PDE4D: variants seen among roughly 807,000 people sequenced by gnomAD.
PDE4D encodes phosphodiesterase 4D, also known as 3',5'-cyclic-AMP phosphodiesterase 4D.
A neutral mutation model predicts 87.4 loss-of-function variants in PDE4D; 24 were observed. The observed-to-expected ratio is 0.27, with a 90% CI of 0.20 to 0.39. The LOEUF (loss-of-function observed/expected upper bound fraction) is 0.39, where lower values mean the gene tolerates loss of function less well. PDE4D is among the 10% of genes least tolerant of loss of function. PDE4D has a pLI of 1.00. For synonymous variants in PDE4D, 384 were observed against 383.2 expected (o/e 1.00, Z -0.02); for missense variants, 714 against 1,041.0 (o/e 0.69, Z 4.32).
In PDE4D at chr5:58,974,914, C is replaced by T. The variant is rs769178419; in HGVS notation, c.2180G>A (p.Arg727Gln). 52 of 1,612,684 alleles carry T rather than the reference C, an allele frequency of 3.2e-5. No homozygotes were observed. Among genetic ancestry groups the T allele is most frequent in the South Asian group, 1.5e-4 (14 of 90,940 alleles). Residue 727 changes from arginine to glutamine, a missense_variant, in exon 15 of 15, where the codon CGG becomes CAG. Arg to Gln is a conservative substitution (Grantham distance 43). This residue lies in a region of PDE4D where 97 missense variants were observed against 176.9 expected (regional missense o/e 0.55). Coordinates refer to ENST00000340635, the MANE Select transcript of PDE4D (RefSeq NM_001104631.2). The stretch of plus-strand genomic sequence containing the variant: ...CTGGAATTTCTCAGTTTGACCCTGC[C>T]GGCCCTCCTCTGGGTCATCAGGTGC... ...SPAPDDPEEG[R>Q]QGQTEKFQFE...
At chr5:59,889,384 G>A (rs544030281) in intron 1 of PDE4D, among the ~76,000 whole-genome samples, 1 of 152,060 alleles carries the variant, frequency 6.6e-6, no homozygotes, top group East Asian at 1.9e-4. Context: ...GGGAGTCTGA[G>A]GCAGGAGGAT....
At chr5:59,822,977 A>G (rs971878099) in intron 1 of PDE4D, among the ~76,000 whole-genome samples, 2 of 152,218 alleles carry the variant, frequency 1.3e-5, no homozygotes, top group African/African-American at 4.8e-5. Context: ...TGGTCTTGTC[A>G]CGTAAAAGAG....
At chr5:59,098,363 T>C (rs1285975472) in intron 5 of PDE4D, among the ~76,000 whole-genome samples, 1 of 152,074 alleles carries the variant, frequency 6.6e-6, no homozygotes, top group East Asian at 1.9e-4. Flanking sequence ...AGGCATCTAG[T>C]AATGGCTTCA....
intron 1 of PDE4D, among the ~76,000 whole-genome samples, chr5:59,351,519 T>C (rs1233619053): frequency 6.6e-6 from 1 of 152,170 alleles, no homozygotes; most frequent in South Asian, 2.1e-4. Context: ...GAGAATCTTC[T>C]GGCTCCTCTG....
At chr5:59,589,771 A>G (rs1020461331) in intron 1 of PDE4D, among the ~76,000 whole-genome samples, 8 of 152,196 alleles carry the variant, frequency 5.3e-5, no homozygotes, top group Admixed American at 2.0e-4. Flanking sequence ...GATATAAGCA[A>G]AGCACTTTAT....
At chr5:60,206,392 T>C (rs1044773663) in intron 1 of PDE4D, among the ~76,000 whole-genome samples, 3 of 152,212 alleles carry the variant, frequency 2.0e-5, no homozygotes, top group Non-Finnish European at 4.4e-5. Context: ...GCTCTAGAAA[T>C]GGAATGATGA....
chr5:59,028,771 G>A (rs1315337418), intron 6 of PDE4D, among the ~76,000 whole-genome samples: 3 of 152,122 alleles, frequency 2.0e-5, no homozygotes, highest in African/African-American at 4.8e-5. Flanking sequence ...AAGGAAAAAT[G>A]TTGATTGTTT....
At chr5:59,454,412 T>C (rs1799605975) in intron 1 of PDE4D, among the ~76,000 whole-genome samples, 1 of 152,178 alleles carries the variant, frequency 6.6e-6, no homozygotes, top group South Asian at 2.1e-4. Context: ...AAACAGAAGT[T>C]TCCCTGCATA....
chr5:59,626,797 A>G (rs1289093882), intron 1 of PDE4D, among the ~76,000 whole-genome samples: 5 of 152,228 alleles, frequency 3.3e-5, no homozygotes, highest in Admixed American at 2.0e-4. Context: ...GAGCTAAAAT[A>G]CTAAAATGCA....
intron 1 of PDE4D, among the ~76,000 whole-genome samples, chr5:59,758,685 C>T (rs1367631186): frequency 6.6e-6 from 1 of 152,088 alleles, no homozygotes; most frequent in African/African-American, 2.4e-5. Context: ...ACGTGAATAC[C>T]ACCAATACCT....
At chr5:59,073,787 T>C (rs896095289) in intron 5 of PDE4D, among the ~76,000 whole-genome samples, 47 of 152,196 alleles carry the variant, frequency 3.1e-4, no homozygotes, top group African/African-American at 1.1e-3. Context: ...AATACAGATC[T>C]GAGAAAGAAA....
intron 3 of PDE4D, among the ~76,000 whole-genome samples, chr5:59,899,634 T>A (rs1366316832): frequency 6.6e-6 from 1 of 151,510 alleles, no homozygotes; most frequent in Non-Finnish European, 1.5e-5. Context: ...GAAGTTGGAG[T>A]GTGATGTTTG....
intron 1 of PDE4D, among the ~76,000 whole-genome samples, chr5:59,448,595 G>A (rs1231037930): frequency 6.6e-6 from 1 of 152,160 alleles, no homozygotes; most frequent in Non-Finnish European, 1.5e-5. Context: ...TATCAATATG[G>A]AGAGTAAAAA....
intron 2 of PDE4D, among the ~76,000 whole-genome samples, chr5:60,040,870 C>G (rs1768398453): frequency 6.6e-6 from 1 of 152,124 alleles, no homozygotes; most frequent in Admixed American, 6.5e-5. Context: ...ATGGTTTCTT[C>G]TTTAAGATTT....
chr5:58,981,381 G>GT (rs889527302), intron 11 of PDE4D, among the ~76,000 whole-genome samples: 2 of 152,016 alleles, frequency 1.3e-5, no homozygotes, highest in Non-Finnish European at 2.9e-5. Flanking sequence ...TTTGAGTAAT[G>GT]TTTACTCTTA....
chr5:59,091,395 G>A (rs1435041376), intron 5 of PDE4D, among the ~76,000 whole-genome samples: 1 of 151,264 alleles, frequency 6.6e-6, no homozygotes, highest in Admixed American at 6.6e-5. Context: ...CATAAAGAAA[G>A]AAGATTGGAC....
intron 1 of PDE4D, among the ~76,000 whole-genome samples, chr5:60,351,091 A>T (rs1370494705): frequency 6.6e-6 from 1 of 152,154 alleles, no homozygotes; most frequent in East Asian, 1.9e-4. Flanking sequence ...TCTGAAAACC[A>T]GTTTAGTTTC....
chr5:60,370,450 C>A (rs990911478), intron 1 of PDE4D, among the ~76,000 whole-genome samples: 2 of 152,110 alleles, frequency 1.3e-5, no homozygotes, highest in Non-Finnish European at 2.9e-5. Flanking sequence ...TAAAAATTAT[C>A]TTCATGAAAT....
rs568470327 is a variant in PDE4D at position 59,933,204 on chromosome 5, C to G, written c.272+55284G>C. 2.6e-4 allele frequency among the ~76,000 whole-genome samples: 39 copies of G among 152,264 alleles called. 1 individual carries two copies. The highest frequency in any genetic ancestry group is 2.1e-3 in the Admixed American group (32 of 15,286). ...GTGGATTTGATTGCTAGCACTAAGG[C>G]AGAGGAAAACATTACAGTTTGAGAA... On this transcript the variant is annotated intron_variant, in intron 3 of 16. Transcript: ENST00000502484.
Sources: allele counts gnomAD v4.1 joint callset (sites outside exome capture counted in the v4.1 genomes callset), GRCh38; gene constraint gnomAD v4.1.1; regional missense constraint gnomAD v4.1.1; transcripts MANE v1.5; gene names NCBI Gene and HGNC (gene_info 2026-07-23, HGNC 2026-07-21).